ACTN4: variants seen among roughly 807,000 people sequenced by gnomAD.
The protein encoded by ACTN4 is actinin alpha 4, also known as alpha-actinin-4.
In ACTN4, 18 loss-of-function variants were observed where a neutral mutation model predicts 114.2. The ratio of observed to expected loss-of-function variants is 0.16; its 90% CI spans 0.11 to 0.23. The LOEUF (loss-of-function observed/expected upper bound fraction) is 0.23, where lower values mean the gene tolerates loss of function less well. Ranked by LOEUF, ACTN4 falls within the 10% of genes least tolerant of loss-of-function variation. ACTN4 has a pLI of 1.00. For missense variants in ACTN4, 722 were observed against 1,262.9 expected (o/e 0.57, Z 6.49); for synonymous variants, 515 against 506.3 (o/e 1.02, Z -0.23).
At chr19:38,696,311 GAAT>G (rs1968090545) in intron 1 of ACTN4, among the ~76,000 whole-genome samples, 1 of 152,074 alleles carries the variant, frequency 6.6e-6, no homozygotes, top group South Asian at 2.1e-4. Flanking sequence ...CTTGTCCAGA[GAAT>G]GAATATGTAC....
chr19:38,687,318 G>A (rs1476100773), intron 1 of ACTN4, among the ~76,000 whole-genome samples: 2 of 152,130 alleles, frequency 1.3e-5, no homozygotes, highest in East Asian at 3.9e-4. Flanking sequence ...ATGGAACAAG[G>A]GGGTTGGATT....
chr19:38,709,836 C>G (rs1323335668), intron 7 of ACTN4, among the ~76,000 whole-genome samples: 1 of 152,206 alleles, frequency 6.6e-6, no homozygotes, highest in East Asian at 1.9e-4. Flanking sequence ...CTCTCCCTCC[C>G]TACCTGCAGC....
chr19:38,666,600 C>T (rs1966969543), intron 1 of ACTN4, among the ~76,000 whole-genome samples: 1 of 152,264 alleles, frequency 6.6e-6, no homozygotes, highest in Non-Finnish European at 1.5e-5. Flanking sequence ...CTCGGAGACA[C>T]CTCCCCGCCA....
chr19:38,651,634 T>C (rs1430601267), intron 1 of ACTN4, among the ~76,000 whole-genome samples: 3 of 152,232 alleles, frequency 2.0e-5, no homozygotes, highest in Non-Finnish European at 4.4e-5. Context: ...GGCTTTTTTT[T>C]TGGAGACGGA....
In ACTN4 at chr19:38,727,341, G is replaced by A. The variant is rs1969270762; in HGVS notation, c.2337+238G>A. On this transcript the variant is annotated intron_variant, in intron 18 of 20. Coordinates refer to ENST00000252699, the MANE Select transcript of ACTN4 (RefSeq NM_004924.6). This position sits in a 1 kb window ranked among gnomAD's most constrained non-coding sequence, Gnocchi z 5.4. The stretch of plus-strand genomic sequence containing the variant: ...GGAGGTCCCAAGTCCTGCCTTCTGG[G>A]GTGGCATCCTCACCACCCCCAGGGC... 2.0e-5 allele frequency among the ~76,000 whole-genome samples: 3 copies of A among 152,098 alleles called. No homozygotes were observed. Among genetic ancestry groups the A allele is most frequent in the Non-Finnish European group, 1.5e-5 (1 of 67,998 alleles).
intron 11 of ACTN4, among the ~76,000 whole-genome samples, chr19:38,720,791 C>T (rs1187340558): frequency 6.6e-6 from 1 of 152,208 alleles, no homozygotes; most frequent in African/African-American, 2.4e-5. Flanking sequence ...AGGGGATCTC[C>T]GCTACCACTT....
chr19:38,682,036 GAC>G (rs1398728342), intron 1 of ACTN4, among the ~76,000 whole-genome samples: 2 of 152,100 alleles, frequency 1.3e-5, no homozygotes, highest in Non-Finnish European at 2.9e-5. Flanking sequence ...TTGCCATGTT[GAC>G]CAGGCTGGTA....
At chr19:38,656,400 C>T (rs1976713407) in intron 1 of ACTN4, among the ~76,000 whole-genome samples, 1 of 152,206 alleles carries the variant, frequency 6.6e-6, no homozygotes, top group Non-Finnish European at 1.5e-5. Flanking sequence ...CTTAAGGCTC[C>T]AGTTTTCTTC....
At chr19:38,650,061 A>G (rs1976514698) in intron 1 of ACTN4, among the ~76,000 whole-genome samples, 1 of 152,104 alleles carries the variant, frequency 6.6e-6, no homozygotes, top group Admixed American at 6.6e-5. Context: ...CAGGTTGGAA[A>G]AGGTTGCCAA....
intron 1 of ACTN4, among the ~76,000 whole-genome samples, chr19:38,664,587 A>C (rs1599768751): frequency 6.6e-6 from 1 of 152,156 alleles, no homozygotes; most frequent in Admixed American, 6.5e-5. Flanking sequence ...CAGTAGGTTT[A>C]CCATAGAAGG....
chr19:38,662,924 T>TA lies in ACTN4; in HGVS notation c.162+15020dup, dbSNP rs1340311088. On this transcript the variant is annotated intron_variant, in intron 1 of 20. Transcript: ENST00000252699. ...AAGTGGGTCTGTTTTTTTTTTTTTT[T>TA]AAAGACAGAGTTTCCCTCTTGTTGT... is the stretch of plus-strand genomic sequence containing the variant. 2.4e-4 allele frequency among the ~76,000 whole-genome samples: 36 copies of TA among 151,600 alleles called. No homozygotes were observed. The East Asian group carries it at 6.6e-3, about 28-fold the overall frequency.
chr19:38,729,360 C>T lies in ACTN4; in HGVS notation c.2664C>T (p.Gly888=). 6.2e-7 allele frequency: 1 copy of T among 1,612,704 alleles called. No individual in the cohort carries two copies. The highest frequency in any genetic ancestry group is 8.5e-7 in the Non-Finnish European group (1 of 1,179,956). The change falls in exon 21 of 21, where the codon GGC becomes GGT. Residue 888 remains glycine, a synonymous_variant. Coordinates refer to ENST00000252699, the MANE Select transcript of ACTN4 (RefSeq NM_004924.6). ...YCIARMAPYQ[G]PDAVPGALDY... ...TCGCCCGCATGGCGCCATACCAGGG[C>T]CCTGACGCCGTGCCCGGTGCCCTCG...
intron 1 of ACTN4, among the ~76,000 whole-genome samples, chr19:38,656,323 T>C (rs1188467732): frequency 6.6e-6 from 1 of 152,140 alleles, no homozygotes; most frequent in African/African-American, 2.4e-5. Flanking sequence ...TGTTGCCCAG[T>C]CTGGTCTCAG....
Position 38,730,657 on chromosome 19 carries a change from G to A in ACTN4, c.*1225G>A. 1 of 651,378 alleles carries A rather than the reference G, an allele frequency of 1.5e-6. No individual in the cohort carries two copies. Among genetic ancestry groups the A allele is most frequent in the Non-Finnish European group, 2.7e-6 (1 of 370,870 alleles). 40.3% of individuals were successfully genotyped at this position (651,378 alleles called of 1,614,324 possible). A position where few individuals can be genotyped will look rare whatever the true frequency, so the allele number is the denominator to read the frequency against. The stretch of plus-strand genomic sequence containing the variant: ...TAGCTCGTGTCATCTGCTCGAGAAG[G>A]GCTGTCGCTGTTCTTGTTTCTGAGT... On this transcript the variant is annotated 3_prime_UTR_variant, in exon 21 of 21. Coordinates refer to ENST00000252699, the MANE Select transcript of ACTN4 (RefSeq NM_004924.6).
chr19:38,715,964 C>T (rs926815236), intron 9 of ACTN4, among the ~76,000 whole-genome samples: 12 of 152,332 alleles, frequency 7.9e-5, no homozygotes, highest in South Asian at 2.1e-4. Context: ...TGCAATGGCA[C>T]GACCTTGGCT....
rs1404501513 is a variant in ACTN4, at chr19:38,730,554, T to TA, written c.*1123dup. The TA allele has an allele frequency of 1.7e-5, 8 of 479,710 alleles. No individual in the cohort carries two copies. The highest frequency in any genetic ancestry group is 1.1e-3 in the Middle Eastern group (2 of 1,850). 29.7% of individuals were successfully genotyped at this position (479,710 alleles called of 1,614,324 possible). On this transcript the variant is annotated 3_prime_UTR_variant, in exon 21 of 21. Coordinates refer to ENST00000252699, the MANE Select transcript of ACTN4 (RefSeq NM_004924.6). ...GGATTCCTGCAGCATCATCTTTTTT[T>TA]ATTTCTCCTGTGTCTGTCCTCCACC...
intron 1 of ACTN4, among the ~76,000 whole-genome samples, chr19:38,679,693 C>T (rs981491664): frequency 2.0e-4 from 31 of 151,922 alleles, no homozygotes; most frequent in African/African-American, 7.2e-4. Context: ...CCTGGGCTTG[C>T]TTTGTTGCCC....
intron 1 of ACTN4, among the ~76,000 whole-genome samples, chr19:38,651,716 G>A (rs1277968656): frequency 6.6e-6 from 1 of 151,440 alleles, no homozygotes; most frequent in Non-Finnish European, 1.5e-5. Context: ...TTTGTTTTTT[G>A]TATTTGTTTT....
chr19:38,722,343 C>T (rs527729569), intron 12 of ACTN4, among the ~76,000 whole-genome samples: 1 of 152,322 alleles, frequency 6.6e-6, no homozygotes, highest in South Asian at 2.1e-4. Context: ...GCAGGGCTCC[C>T]AAAATAGCCA....
Sources: allele counts gnomAD v4.1 joint callset (sites outside exome capture counted in the v4.1 genomes callset), GRCh38; gene constraint gnomAD v4.1.1; non-coding constraint Gnocchi (gnomAD v3.1); transcripts MANE v1.5; gene names NCBI Gene and HGNC (gene_info 2026-07-23, HGNC 2026-07-21).